ZNF148: variants seen among roughly 807,000 people sequenced by gnomAD.
ZNF148 encodes zinc finger protein 148.
ZNF148 carries 7 observed loss-of-function variants against 67.7 expected under a neutral mutation model. The ratio of observed to expected loss-of-function variants is 0.10; its 90% CI spans 0.06 to 0.19. ZNF148 has a LOEUF of 0.19. ZNF148 is among the 10% of genes least tolerant of loss of function. The pLI is 1.00. For missense variants in ZNF148, 583 were observed against 947.1 expected, an observed-to-expected ratio of 0.62 and a Z score of 5.05; for synonymous variants, 333 against 330.7, an observed-to-expected ratio of 1.01 and a Z score of -0.08.
At chr3:125,243,738 C>T (rs553362764) in intron 7 of ZNF148, among the ~76,000 whole-genome samples, 1 of 152,194 alleles carries the variant, frequency 6.6e-6, no homozygotes, top group South Asian at 2.1e-4. Context: ...GGTGTCCAGA[C>T]TGGTCTCGAA....
chr3:125,243,686 C>G (rs1936466545), intron 7 of ZNF148, among the ~76,000 whole-genome samples: 1 of 152,032 alleles, frequency 6.6e-6, no homozygotes, highest in Non-Finnish European at 1.5e-5. Context: ...CCATGCCCAG[C>G]TAATTAAGAA....
intron 1 of ZNF148, among the ~76,000 whole-genome samples, chr3:125,346,533 A>C (rs2333197): frequency 0.76 from 115,081 of 152,048 alleles, 44,081 homozygotes; most frequent in African/African-American, 0.85. Flanking sequence ...CCACATATCA[A>C]GACAGGGACC....
intron 4 of ZNF148, among the ~76,000 whole-genome samples, chr3:125,291,362 A>G (rs1224609363): frequency 2.6e-5 from 4 of 152,176 alleles, no homozygotes; most frequent in Admixed American, 2.0e-4. Context: ...TCCCCAGCTC[A>G]GCTTTCAAAA....
intron 7 of ZNF148, among the ~76,000 whole-genome samples, chr3:125,245,539 A>G (rs1387265679): frequency 3.9e-5 from 6 of 152,174 alleles, no homozygotes; most frequent in African/African-American, 1.2e-4. Context: ...ACAATCTTCA[A>G]CTTACAGCTT....
chr3:125,290,455 C>T (rs1428933928), intron 4 of ZNF148, among the ~76,000 whole-genome samples: 2 of 152,100 alleles, frequency 1.3e-5, no homozygotes, highest in African/African-American at 4.8e-5. Context: ...GAATGACTTG[C>T]TTTATCAAGA....
intron 7 of ZNF148, among the ~76,000 whole-genome samples, chr3:125,259,372 A>G (rs537676705): frequency 1.9e-4 from 29 of 152,344 alleles, no homozygotes; most frequent in Admixed American, 1.1e-3. Context: ...AAGGACACAG[A>G]TCAACCAGAA....
At chr3:125,279,893 T>C (rs1475413071) in intron 5 of ZNF148, among the ~76,000 whole-genome samples, 2 of 152,122 alleles carry the variant, frequency 1.3e-5, no homozygotes, top group South Asian at 2.1e-4. Flanking sequence ...ACCTTGATTG[T>C]GATGGCTGGG....
At chr3:125,278,816 C>T (rs572157087) in intron 6 of ZNF148, among the ~76,000 whole-genome samples, 155 of 152,224 alleles carry the variant, frequency 1.0e-3, no homozygotes, top group Non-Finnish European at 1.3e-3. Flanking sequence ...TTTGCACACA[C>T]AAAAAATGAA....
chr3:125,277,211 G>A (rs1938122128), intron 7 of ZNF148, among the ~76,000 whole-genome samples: 1 of 152,132 alleles, frequency 6.6e-6, no homozygotes, highest in Admixed American at 6.5e-5. Context: ...ATGAGACTTA[G>A]GTTTTTACGG....
At chr3:125,347,807 G>C (rs542535449) in intron 1 of ZNF148, among the ~76,000 whole-genome samples, 11 of 152,200 alleles carry the variant, frequency 7.2e-5, no homozygotes, top group Non-Finnish European at 1.3e-4. Flanking sequence ...TGAGACTACA[G>C]GAGTGTGCCC....
Position 125,233,244 on chromosome 3 carries a change from T to C in ZNF148, c.1482A>G (p.Ile494Met), listed in dbSNP as rs116922747. 1 of 1,613,898 alleles carries C rather than the reference T, an allele frequency of 6.2e-7. No homozygotes were observed. Among genetic ancestry groups the C allele is most frequent in the East Asian group, 2.2e-5 (1 of 44,874 alleles). ...SREYALNVGT[I>M]ASQPSVTQAA... The stretch of plus-strand genomic sequence containing the variant: ...CTTGTGTTACAGAAGGCTGAGAAGC[T>C]ATGGTACCCACATTCAGCGCATATT... The change falls in exon 9 of 9, where the codon ATA becomes ATG. Residue 494 changes from isoleucine (I) to methionine (M), a missense_variant. Ile to Met is a conservative substitution (Grantham distance 10). This residue lies in a region of ZNF148 where 172 missense variants were observed against 307.7 expected (regional missense o/e 0.56). Coordinates refer to ENST00000360647, the MANE Select transcript of ZNF148 (RefSeq NM_021964.3). The surrounding 1 kb of genome is among the most constrained non-coding windows in gnomAD (Gnocchi z 5.1).
intron 7 of ZNF148, among the ~76,000 whole-genome samples, chr3:125,256,103 A>C (rs1440421909): frequency 6.6e-6 from 1 of 151,774 alleles, no homozygotes; most frequent in African/African-American, 2.4e-5. Context: ...GGCGGGGCGC[A>C]GTGTAATTCC....
intron 4 of ZNF148, chr3:125,292,509 C>T (rs904790014): frequency 3.9e-5 from 6 of 152,182 alleles, no homozygotes; most frequent in Non-Finnish European, 7.4e-5. Context: ...AAATTCTAGT[C>T]TTCCAAGTTC....
intron 1 of ZNF148, among the ~76,000 whole-genome samples, chr3:125,349,593 G>T (rs1942065306): frequency 6.6e-6 from 1 of 152,174 alleles, no homozygotes; most frequent in South Asian, 2.1e-4. Context: ...TGTTGGTGAG[G>T]CTGTGAAGAG....
At chr3:125,302,915 G>C (rs1350596622) in intron 4 of ZNF148, among the ~76,000 whole-genome samples, 1 of 152,146 alleles carries the variant, frequency 6.6e-6, no homozygotes, top group Non-Finnish European at 1.5e-5. Flanking sequence ...GCACACAAAT[G>C]TTAATAGCAG....
chr3:125,282,806 G>A (rs574871944), intron 5 of ZNF148, among the ~76,000 whole-genome samples: 32 of 151,998 alleles, frequency 2.1e-4, no homozygotes, highest in Admixed American at 1.8e-3. Flanking sequence ...CAAATTCAGA[G>A]ATTTTTCACT....
At chr3:125,337,044 A>T (rs2107725086) in intron 1 of ZNF148, among the ~76,000 whole-genome samples, 1 of 152,116 alleles carries the variant, frequency 6.6e-6, no homozygotes, top group Non-Finnish European at 1.5e-5. Flanking sequence ...ATCAAGCCAA[A>T]ATCTTTAAAA....
chr3:125,276,335 GA>G (rs1208816614), intron 7 of ZNF148, among the ~76,000 whole-genome samples: 5 of 152,106 alleles, frequency 3.3e-5, no homozygotes, highest in Admixed American at 1.3e-4. Context: ...TTAAAAAACT[GA>G]AACTAGTAAT....
chr3:125,331,436 G>A (rs188773476), intron 1 of ZNF148, among the ~76,000 whole-genome samples, 198 bp from the exon 2 acceptor site: 2 of 152,282 alleles, frequency 1.3e-5, no homozygotes, highest in Admixed American at 6.5e-5. Flanking sequence ...AATGCTAAAT[G>A]ATATCACAAC....
Sources: allele counts gnomAD v4.1 joint callset (sites outside exome capture counted in the v4.1 genomes callset), GRCh38; gene constraint gnomAD v4.1.1; regional missense constraint gnomAD v4.1.1; non-coding constraint Gnocchi (gnomAD v3.1); transcripts MANE v1.5; gene names NCBI Gene and HGNC (gene_info 2026-07-23, HGNC 2026-07-21).